Variants in EPCIP observed in about 807,000 individuals in gnomAD.
EPCIP encodes the protein exosomal polycystin-1-interacting protein.
chr21:32,809,283 T>C, the EPCIP span, among the ~76,000 whole-genome samples: 10,067 of 26,264 alleles, frequency 0.38, 927 homozygotes, highest in East Asian at 0.51. Context: ...CTCCTTCCTT[T>C]CTTTCTTTCT....
the EPCIP span, chr21:32,794,338 C>A: frequency 6.2e-7 from 1 of 1,614,134 alleles, no homozygotes. Flanking sequence ...GCGTGCTGTT[C>A]TTCTGACCTT....
chr21:32,794,211 C>T, the EPCIP span: 2 of 1,614,274 alleles, frequency 1.2e-6, no homozygotes, highest in Non-Finnish European at 1.7e-6. Flanking sequence ...GTTCGCTCTA[C>T]TGCAAGGGGC....
chr21:32,800,423 C>G, the EPCIP span, among the ~76,000 whole-genome samples: 1 of 152,240 alleles, frequency 6.6e-6, no homozygotes, highest in South Asian at 2.1e-4. Context: ...AAAAATAATA[C>G]TCAAACTGAT....
At chr21:32,796,020 C>T in the EPCIP span, among the ~76,000 whole-genome samples, 1 of 149,050 alleles carries the variant, frequency 6.7e-6, no homozygotes, top group Admixed American at 6.7e-5. Context: ...TTCCCTCCTT[C>T]CCTCCTTCCT....
chr21:32,796,034 CTCCTTCCTTCCTTCCT>C, the EPCIP span, among the ~76,000 whole-genome samples: 1 of 148,450 alleles, frequency 6.7e-6, no homozygotes, highest in African/African-American at 2.5e-5. Context: ...CCTTCCTTCC[CTCCTTCCTTCCTTCCT>C]TCCTTCCTTC....
the EPCIP span, among the ~76,000 whole-genome samples, chr21:32,804,583 C>G: frequency 6.6e-6 from 1 of 152,064 alleles, no homozygotes; most frequent in South Asian, 2.1e-4. Context: ...TTACCATGCT[C>G]TGTGAGGGCA....
the EPCIP span, among the ~76,000 whole-genome samples, chr21:32,805,065 AGAT>A: frequency 5.9e-5 from 9 of 152,328 alleles, no homozygotes; most frequent in African/African-American, 2.2e-4. Context: ...TGAGATAAGG[AGAT>A]GATCCTAGAT....
the EPCIP span, among the ~76,000 whole-genome samples, chr21:32,802,276 A>G: frequency 6.6e-6 from 1 of 152,210 alleles, no homozygotes; most frequent in African/African-American, 2.4e-5. Context: ...CAATACACAA[A>G]CTGTAGCATT....
At chr21:32,805,875 T>A in the EPCIP span, among the ~76,000 whole-genome samples, 1 of 152,264 alleles carries the variant, frequency 6.6e-6, no homozygotes, top group South Asian at 2.1e-4. Context: ...AATGCTCCCA[T>A]AGAATAGTCA....
chr21:32,802,367 C>T, the EPCIP span, among the ~76,000 whole-genome samples: 1 of 152,266 alleles, frequency 6.6e-6, no homozygotes, highest in African/African-American at 2.4e-5. Context: ...GGCTTGCAAA[C>T]CTCCTGTGAG....
chr21:32,803,158 G>A, the EPCIP span, among the ~76,000 whole-genome samples: 1 of 152,092 alleles, frequency 6.6e-6, no homozygotes, highest in Non-Finnish European at 1.5e-5. Context: ...TTAACTCCCT[G>A]ATCATCCATT....
At chr21:32,809,280 C>CCTCCTTTCTT in the EPCIP span, among the ~76,000 whole-genome samples, 41 of 78,824 alleles carry the variant, frequency 5.2e-4, no homozygotes, top group Non-Finnish European at 7.8e-4. Flanking sequence ...TCCCTCCTTC[C>CCTCCTTTCTT]TTTCTTTCTT....
chr21:32,794,263 G>A, the EPCIP span: 1 of 1,614,268 alleles, frequency 6.2e-7, no homozygotes, highest in South Asian at 1.1e-5. Context: ...CCAAACTGTA[G>A]TCACAATCCC....
At chr21:32,809,222 T>TGTGTGTGTGA in the EPCIP span, among the ~76,000 whole-genome samples, 1 of 149,460 alleles carries the variant, frequency 6.7e-6, no homozygotes, top group Non-Finnish European at 1.5e-5. Context: ...TGTGTGTGTG[T>TGTGTGTGTGA]GATGTCTCAC....
the EPCIP span, among the ~76,000 whole-genome samples, chr21:32,799,678 A>C: frequency 2.0e-5 from 3 of 152,192 alleles, no homozygotes; most frequent in East Asian, 5.8e-4. Context: ...ATGGTGGTTC[A>C]CACCTGTAAT....
the EPCIP span, among the ~76,000 whole-genome samples, chr21:32,791,815 A>G: frequency 3.9e-5 from 6 of 152,012 alleles, no homozygotes; most frequent in East Asian, 1.9e-4. Context: ...ATTTCTTATC[A>G]TTATGGTATC....
At chr21:32,809,290 T>TTCTTTCTTTC in the EPCIP span, among the ~76,000 whole-genome samples, 1 of 120,498 alleles carries the variant, frequency 8.3e-6, no homozygotes, top group Non-Finnish European at 1.7e-5. Flanking sequence ...CTTTCTTTCT[T>TTCTTTCTTTC]TCTTTCTTTC....
chr21:32,805,653 C>T, the EPCIP span, among the ~76,000 whole-genome samples: 5 of 152,198 alleles, frequency 3.3e-5, no homozygotes, highest in Middle Eastern at 3.4e-3. Context: ...TAAGCCACTG[C>T]GCCTGGCCAA....
the EPCIP span, among the ~76,000 whole-genome samples, chr21:32,812,515 A>T: frequency 3.9e-5 from 6 of 152,348 alleles, no homozygotes; most frequent in South Asian, 1.0e-3. Flanking sequence ...ACTCATTTCC[A>T]TAAATACTTT....
Sources: gnomAD v4.1 joint callset for allele counts (sites outside exome capture counted in the v4.1 genomes callset) on GRCh38, gnomAD v4.1.1 for gene constraint, MANE v1.5 for transcripts, NCBI Gene and HGNC (gene_info 2026-07-23, HGNC 2026-07-21) for gene names.